Variants in ATF7 observed in about 807,000 individuals in gnomAD.
ATF7 encodes the protein cyclic AMP-dependent transcription factor ATF-7.
In ATF7, 10 loss-of-function variants were observed where a neutral mutation model predicts 50.4. That is an observed-to-expected ratio of 0.20 (90% CI 0.12 to 0.34). The LOEUF is 0.34. ATF7 is among the 10% of genes least tolerant of loss of function. The pLI is 1.00. For missense variants in ATF7, 465 were observed against 613.9 expected, an observed-to-expected ratio of 0.76 and a Z score of 2.56; for synonymous variants, 201 against 226.4, an observed-to-expected ratio of 0.89 and a Z score of 1.01.
chr12:53,556,405 A>G (rs1592862503), intron 2 of ATF7, among the ~76,000 whole-genome samples: 1 of 152,224 alleles, frequency 6.6e-6, no homozygotes, highest in Non-Finnish European at 1.5e-5. Flanking sequence ...CCAGGGCAAC[A>G]TGGCAAAACC....
At chr12:53,545,615 C>A (rs537146321) in intron 3 of ATF7, among the ~76,000 whole-genome samples, 1 of 152,014 alleles carries the variant, frequency 6.6e-6, no homozygotes, top group Non-Finnish European at 1.5e-5. Context: ...GGATTATAGG[C>A]GTGAGCCACC....
rs116123890 is a variant in ATF7, at chr12:53,612,872, C to T, written c.-21-11851G>A. On this transcript the variant is annotated intron_variant, in intron 1 of 11. Coordinates refer to ENST00000420353, the MANE Select transcript of ATF7 (RefSeq NM_006856.3). ...TACAAAAATTAGTTGGGCATGGTAGCGCGCACCTGTAGTCCCTGCTACTCG... is the reference window on the plus strand; with the variant it reads ...TACAAAAATTAGTTGGGCATGGTAGTGCGCACCTGTAGTCCCTGCTACTCG... Among the ~76,000 whole-genome samples, 1,260 of 152,156 alleles carry T rather than the reference C, an allele frequency of 8.3e-3. 12 individuals are homozygous for T. Among genetic ancestry groups the T allele is most frequent in the African/African-American group, 0.029 (1,194 of 41,510 alleles).
At chr12:53,608,235 A>C (rs961023658) in intron 1 of ATF7, among the ~76,000 whole-genome samples, 27 of 151,664 alleles carry the variant, frequency 1.8e-4, no homozygotes, top group Admixed American at 5.9e-4. Flanking sequence ...AAAAAAAAAA[A>C]AAGAAAGAAG....
chr12:53,537,454 G>A lies in ATF7; in HGVS notation c.363C>T (p.Ser121=). The change falls in exon 5 of 12, where the codon AGC becomes AGT. Residue 121 remains serine (S), a synonymous_variant. Transcript: ENST00000420353. ...GTGGGGAACAGGGACTAGAGGCAGGGCTATCAGGTGGGGATGAGTCTACCT... is the reference window on the plus strand; with the variant it reads ...GTGGGGAACAGGGACTAGAGGCAGGACTATCAGGTGGGGATGAGTCTACCT... ...PVEVDSSPPD[S]PASSPCSPPL... 1 of 1,613,816 alleles carries A rather than the reference G, an allele frequency of 6.2e-7. No homozygotes were observed. Among genetic ancestry groups the A allele is most frequent in the Non-Finnish European group, 8.5e-7 (1 of 1,179,844 alleles).
At chr12:53,532,374 C>T in intron 8 of ATF7, 136 bp downstream of exon 8, 1 of 653,028 alleles carries the variant, frequency 1.5e-6, no homozygotes, top group Non-Finnish European at 2.6e-6. Flanking sequence ...TTTTCTTTTC[C>T]AGACCCCACA....
chr12:53,530,383 T>C (rs568408165), intron 9 of ATF7, among the ~76,000 whole-genome samples: 1 of 152,140 alleles, frequency 6.6e-6, no homozygotes, highest in African/African-American at 2.4e-5. Flanking sequence ...ACCTGTTCAG[T>C]GCAGATGATA....
At chr12:53,555,908 C>T (rs1164782665) in intron 2 of ATF7, among the ~76,000 whole-genome samples, 14 of 152,050 alleles carry the variant, frequency 9.2e-5, no homozygotes, top group African/African-American at 2.2e-4. Flanking sequence ...CTCCACCTCC[C>T]GGGTTCAAGC....
chr12:53,521,996 C>T (rs970066453), intron 11 of ATF7, among the ~76,000 whole-genome samples: 6 of 152,172 alleles, frequency 3.9e-5, no homozygotes, highest in Admixed American at 6.5e-5. Flanking sequence ...AGCAATAGTT[C>T]TATGAATTTA....
chr12:53,616,630 A>C (rs1466185612), intron 1 of ATF7, among the ~76,000 whole-genome samples: 3 of 152,142 alleles, frequency 2.0e-5, no homozygotes, highest in African/African-American at 7.2e-5. Context: ...AACACTGAGG[A>C]TTAAAATTGC....
chr12:53,595,533 C>T (rs1323521727), intron 2 of ATF7, among the ~76,000 whole-genome samples: 2 of 152,102 alleles, frequency 1.3e-5, no homozygotes, highest in African/African-American at 4.8e-5. Context: ...AAACATATAC[C>T]TTTGCAGCAT....
At chr12:53,567,421 G>A (rs1275145207) in intron 2 of ATF7, among the ~76,000 whole-genome samples, 1 of 152,204 alleles carries the variant, frequency 6.6e-6, no homozygotes, top group Non-Finnish European at 1.5e-5. Context: ...CCTCACTAAA[G>A]AATGGAGTTT....
chr12:53,588,599 T>C (rs1367570010), intron 2 of ATF7, among the ~76,000 whole-genome samples: 1 of 152,156 alleles, frequency 6.6e-6, no homozygotes, highest in African/African-American at 2.4e-5. Flanking sequence ...CTTATGGGCA[T>C]AAAACTAAGG....
At chr12:53,607,490 C>T (rs1943664414) in intron 1 of ATF7, among the ~76,000 whole-genome samples, 1 of 151,984 alleles carries the variant, frequency 6.6e-6, no homozygotes, top group African/African-American at 2.4e-5. Flanking sequence ...TTGCATTGAG[C>T]GTTTAACCAC....
rs1565918381 is a variant in ATF7, at chr12:53,523,390, G to A, written c.1126-6C>T. Reference sequence around the variant, plus strand: ...CGTAGTAATGTGACTTCATTCTGAGGAGGGAGGGAAGAAAAGAGTATCAAG... The same window carrying A: ...CGTAGTAATGTGACTTCATTCTGAGAAGGGAGGGAAGAAAAGAGTATCAAG... On this transcript the variant is annotated splice_region_variant and splice_polypyrimidine_tract_variant and intron_variant, in intron 10 of 11. Transcript: ENST00000420353. 6.2e-7 allele frequency: 1 copy of A among 1,600,090 alleles called. No homozygotes were observed. The highest frequency in any genetic ancestry group is 1.7e-5 in the Admixed American group (1 of 59,978).
chr12:53,622,615 T>C (rs1457073015), intron 1 of ATF7, among the ~76,000 whole-genome samples: 2 of 148,066 alleles, frequency 1.4e-5, no homozygotes, highest in Non-Finnish European at 3.0e-5. Context: ...CGCGAGACTC[T>C]GCACTCCAGC....
At chr12:53,567,086 T>C (rs1941485432) in intron 2 of ATF7, among the ~76,000 whole-genome samples, 1 of 152,202 alleles carries the variant, frequency 6.6e-6, no homozygotes, top group Non-Finnish European at 1.5e-5. Flanking sequence ...TGTTAGGTAT[T>C]TGCATCTGAA....
chr12:53,596,229 G>A (rs1943148945), intron 2 of ATF7, among the ~76,000 whole-genome samples: 1 of 152,194 alleles, frequency 6.6e-6, no homozygotes, highest in South Asian at 2.1e-4. Flanking sequence ...GAACCCAGGA[G>A]GTAGAGGTTT....
At chr12:53,626,235 G>C (rs1434576306) in intron 1 of ATF7, 44 bp downstream of exon 1, 2 of 152,814 alleles carry the variant, frequency 1.3e-5, no homozygotes, top group African/African-American at 4.8e-5. Context: ...TTGAAAGGGA[G>C]ACTCCCGTCA....
chr12:53,517,296 G>T lies in ATF7; in HGVS notation c.1293C>A (p.Ser431Arg). ...GGCCATTGCTAGGGGCTGTTGCTGAGCTGTGCTGAATCACAGGGGCTGGAG... is the reference window on the plus strand; with the variant it reads ...GGCCATTGCTAGGGGCTGTTGCTGATCTGTGCTGAATCACAGGGGCTGGAG... The part of the protein sequence containing the change: ...TGSPAPVIQH[S>R]SATAPSNGLS... Residue 431 changes from serine to arginine, a missense_variant, in exon 12 of 12, where the codon AGC becomes AGA. By Grantham distance (110) the Ser-to-Arg change is moderately radical. Transcript: ENST00000420353. The T allele has an allele frequency of 6.2e-7, 1 of 1,614,050 alleles. No individual in the cohort carries two copies. The highest frequency in any genetic ancestry group is 8.5e-7 in the Non-Finnish European group (1 of 1,179,904).
Sources: allele counts gnomAD v4.1 joint callset (sites outside exome capture counted in the v4.1 genomes callset), GRCh38; gene constraint gnomAD v4.1.1; transcripts MANE v1.5; gene names NCBI Gene and HGNC (gene_info 2026-07-23, HGNC 2026-07-21).